The following SGCZ variants were observed in gnomAD, a reference collection of about 807,000 sequenced individuals.
SGCZ encodes the protein sarcoglycan zeta, also known as zeta-sarcoglycan.
A neutral mutation model predicts 41.3 loss-of-function variants in SGCZ; 40 were observed. That is an observed-to-expected ratio of 0.97 (90% CI 0.75 to 1.26). The LOEUF (loss-of-function observed/expected upper bound fraction) is 1.26, where lower values mean the gene tolerates loss of function less well. Ranked by LOEUF, SGCZ falls within the 50% of genes most tolerant of loss-of-function variation. The pLI, the probability that SGCZ is intolerant of heterozygous loss-of-function variation, is 0.00. For synonymous variants in SGCZ, 206 were observed against 137.5 expected, an observed-to-expected ratio of 1.50 and a Z score of -3.49; for missense variants, 552 against 369.8, an observed-to-expected ratio of 1.49 and a Z score of -4.04.
intron 2 of SGCZ, among the ~76,000 whole-genome samples, chr8:14,469,523 C>A (rs1042052555): frequency 2.0e-5 from 3 of 151,938 alleles, no homozygotes; most frequent in African/African-American, 7.2e-5. Flanking sequence ...TGCATTTGTC[C>A]CCATTTCCTG....
chr8:14,691,416 G>A (rs907486321), intron 1 of SGCZ, among the ~76,000 whole-genome samples: 2 of 152,032 alleles, frequency 1.3e-5, no homozygotes, highest in Middle Eastern at 3.2e-3. Flanking sequence ...GTAAATGAGG[G>A]AAAGAAAGAA....
intron 1 of SGCZ, among the ~76,000 whole-genome samples, chr8:15,010,595 C>T (rs1802789269): frequency 6.6e-6 from 1 of 152,130 alleles, no homozygotes; most frequent in Admixed American, 6.5e-5. Context: ...AGACAATGGC[C>T]ACAACCACAT....
chr8:14,687,194 T>TG (rs1384947622), intron 1 of SGCZ, among the ~76,000 whole-genome samples: 2 of 147,660 alleles, frequency 1.4e-5, no homozygotes, highest in Non-Finnish European at 3.0e-5. Context: ...ATATATATTT[T>TG]AATTTTATTA....
chr8:14,208,854 A>T (rs1278543081), intron 4 of SGCZ, among the ~76,000 whole-genome samples: 3 of 152,224 alleles, frequency 2.0e-5, no homozygotes, highest in Non-Finnish European at 4.4e-5. Flanking sequence ...AGAAGAAATT[A>T]GGCAGATAGC....
chr8:14,303,227 A>G (rs984407112), intron 3 of SGCZ, among the ~76,000 whole-genome samples: 2 of 152,220 alleles, frequency 1.3e-5, no homozygotes, highest in African/African-American at 2.4e-5. Context: ...ATTAACAGGC[A>G]AAGCATAATA....
intron 1 of SGCZ, among the ~76,000 whole-genome samples, chr8:14,559,020 A>G (rs2410194): frequency 0.1 from 15,502 of 152,090 alleles, 1,003 homozygotes; most frequent in East Asian, 0.34. Flanking sequence ...CTCAGTCAAC[A>G]TAACAGTGAA....
rs557651592 is a variant in SGCZ, at chr8:14,974,487, C to T, written c.39+263098G>A. On this transcript the variant is annotated intron_variant, in intron 1 of 7. Transcript: ENST00000382080. ...TAACCTGATGAGCATTTCCTAGGTG[C>T]TAGCTTAGTGATTCCCAAACTGGCC... Among the ~76,000 whole-genome samples, 7 of 152,236 alleles carry T rather than the reference C, an allele frequency of 4.6e-5. No homozygotes were observed. In the East Asian group the frequency reaches 9.7e-4, roughly 21 times the overall value.
intron 1 of SGCZ, among the ~76,000 whole-genome samples, chr8:14,784,820 T>A (rs1481185935): frequency 6.8e-6 from 1 of 147,476 alleles, no homozygotes; most frequent in East Asian, 2.0e-4. Flanking sequence ...GAGAATCACT[T>A]GAACCTGGGA....
intron 4 of SGCZ, among the ~76,000 whole-genome samples, chr8:14,183,801 T>C (rs1203374095): frequency 6.6e-6 from 1 of 152,150 alleles, no homozygotes; most frequent in African/African-American, 2.4e-5. Context: ...TTAAGCATTA[T>C]TCTGGAGGTC....
intron 1 of SGCZ, among the ~76,000 whole-genome samples, chr8:15,082,682 A>G (rs1485211796): frequency 6.6e-6 from 1 of 152,134 alleles, no homozygotes; most frequent in East Asian, 1.9e-4. Flanking sequence ...TTTGTCTGCA[A>G]TTTACATCTA....
At chr8:15,198,504 A>T (rs925152643) in intron 1 of SGCZ, among the ~76,000 whole-genome samples, 1 of 152,190 alleles carries the variant, frequency 6.6e-6, no homozygotes, top group African/African-American at 2.4e-5. Context: ...TAGCACATCA[A>T]TCTGGGATAA....
chr8:14,864,234 T>TA (rs1230600724), intron 1 of SGCZ, among the ~76,000 whole-genome samples: 1 of 151,814 alleles, frequency 6.6e-6, no homozygotes, highest in Non-Finnish European at 1.5e-5. Context: ...TCCCACCACT[T>TA]ACATGTTTCC....
intron 2 of SGCZ, among the ~76,000 whole-genome samples, chr8:14,424,726 A>C (rs778142657): frequency 2.0e-5 from 3 of 152,182 alleles, no homozygotes; most frequent in African/African-American, 7.2e-5. Flanking sequence ...AATTTTTACT[A>C]TTTTAATCAA....
intron 1 of SGCZ, among the ~76,000 whole-genome samples, chr8:15,200,882 G>A (rs940217738): frequency 6.6e-6 from 1 of 152,126 alleles, no homozygotes; most frequent in African/African-American, 2.4e-5. Context: ...CATATCATAG[G>A]AATTCTAATC....
chr8:14,656,518 T>C (rs1400709443), intron 1 of SGCZ, among the ~76,000 whole-genome samples: 1 of 149,692 alleles, frequency 6.7e-6, no homozygotes, highest in Non-Finnish European at 1.5e-5. Context: ...CTTCCTTCCT[T>C]TTCTTTTCTT....
At chr8:14,228,520 C>A (rs1403627267) in intron 4 of SGCZ, among the ~76,000 whole-genome samples, 1 of 151,958 alleles carries the variant, frequency 6.6e-6, no homozygotes, top group Non-Finnish European at 1.5e-5. Flanking sequence ...ATATAATTAT[C>A]AAATTAATAA....
rs181754005 is a variant in SGCZ at position 14,119,217 on chromosome 8, T to C, written c.548-10982A>G. 1.8e-4 allele frequency among the ~76,000 whole-genome samples: 28 copies of C among 152,276 alleles called. No homozygotes were observed. In the East Asian group the frequency reaches 4.8e-3, roughly 26 times the overall value. On this transcript the variant is annotated intron_variant, in intron 5 of 7. Coordinates refer to ENST00000382080, the MANE Select transcript of SGCZ (RefSeq NM_139167.4). The stretch of plus-strand genomic sequence containing the variant: ...GAGCATGGTATGTTTTTCCATTTGT[T>C]TGTGGCCCCTCTTATTTCCTTGAGC...
At chr8:14,857,700 C>T (rs945901722) in intron 1 of SGCZ, among the ~76,000 whole-genome samples, 9 of 152,000 alleles carry the variant, frequency 5.9e-5, no homozygotes, top group African/African-American at 2.2e-4. Context: ...CCCTTCTCTA[C>T]TAAAAATACA....
chr8:14,676,652 C>T (rs1808287682), intron 1 of SGCZ, among the ~76,000 whole-genome samples: 1 of 152,036 alleles, frequency 6.6e-6, no homozygotes, highest in African/African-American at 2.4e-5. Context: ...TAGAAAAATA[C>T]AAGATATGCA....
Sources: allele counts gnomAD v4.1 joint callset (sites outside exome capture counted in the v4.1 genomes callset), GRCh38; gene constraint gnomAD v4.1.1; transcripts MANE v1.5; gene names NCBI Gene and HGNC (gene_info 2026-07-23, HGNC 2026-07-21).